Variants in SLC5A5 observed in about 807,000 individuals in gnomAD.
SLC5A5 encodes the protein solute carrier family 5 member 5, also known as sodium/iodide cotransporter.
A neutral mutation model predicts 68.6 loss-of-function variants in SLC5A5; 56 were observed. The ratio of observed to expected loss-of-function variants is 0.82; its 90% CI spans 0.66 to 1.02. The LOEUF is 1.02. Among genes scored for constraint, SLC5A5 ranks in the 50% least tolerant of loss-of-function variants. The pLI, the probability that SLC5A5 is intolerant of heterozygous loss-of-function variation, is 0.00. For missense variants in SLC5A5, 807 were observed against 859.8 expected, an observed-to-expected ratio of 0.94 and a Z score of 0.77; for synonymous variants, 398 against 373.0, an observed-to-expected ratio of 1.07 and a Z score of -0.77.
chr19:17,879,411 C>G (rs2094315487), intron 7 of SLC5A5, among the ~76,000 whole-genome samples: 2 of 152,172 alleles, frequency 1.3e-5, no homozygotes, highest in Non-Finnish European at 2.9e-5. Context: ...TCCCATGTCC[C>G]AAGCGTCCAC....
Position 17,876,046 on chromosome 19 carries a change from T to G in SLC5A5, c.638T>G (p.Val213Gly), listed in dbSNP as rs573288906. 1 of 1,614,152 alleles carries G rather than the reference T, an allele frequency of 6.2e-7. No individual in the cohort carries two copies. Among genetic ancestry groups the G allele is most frequent in the Admixed American group, 1.7e-5 (1 of 60,012 alleles). The stretch of plus-strand genomic sequence containing the variant: ...GTCCTGGCACGCGGTGTCATGCTTG[T>G]GGGCGGGCCCCGCCAGGTGCTCACG... ...WVVLARGVML[V>G]GGPRQVLTLA... The change falls in exon 5 of 15, where the codon GTG becomes GGG. Residue 213 changes from valine (V) to glycine (G), a missense_variant. By Grantham distance (109) the Val-to-Gly change is moderately radical. Coordinates refer to ENST00000222248, the MANE Select transcript of SLC5A5 (RefSeq NM_000453.3).
At chr19:17,875,327 G>T (rs769959856) in intron 4 of SLC5A5, among the ~76,000 whole-genome samples, 19 of 151,288 alleles carry the variant, frequency 1.3e-4, no homozygotes, top group Non-Finnish European at 2.7e-4. Context: ...TGGAGATTGC[G>T]CCATTGCACT....
chr19:17,882,256 G>A, intron 10 of SLC5A5, 37 bp downstream of exon 10: 2 of 1,539,684 alleles, frequency 1.3e-6, no homozygotes, highest in Non-Finnish European at 1.8e-6. Flanking sequence ...GGTCTCCTGA[G>A]AGGTGGGGGC....
rs2094319326 is a variant in SLC5A5 at position 17,880,905 on chromosome 19, C to T, written c.1010C>T (p.Pro337Leu). Reference protein sequence around the residue: ...LLVLDIFEDLPGVPGLFLACA... With the variant: ...LLVLDIFEDLLGVPGLFLACA... ...GTGCTGGACATCTTCGAAGATCTGC[C>T]TGGAGTCCCCGGGCTTTTCCTGGCC... The change falls in exon 8 of 15, where the codon CCT (proline) becomes CTT (leucine). Residue 337 changes from proline (P) to leucine (L), a missense_variant. Physicochemically the swap from Pro to Leu is moderately conservative, Grantham distance 98. Transcript: ENST00000222248. 1.9e-6 allele frequency: 3 copies of T among 1,613,976 alleles called. No individual in the cohort carries two copies. Among genetic ancestry groups the T allele is most frequent in the Admixed American group, 1.7e-5 (1 of 59,988 alleles).
At position 17,874,167 on chromosome 19, in the gene SLC5A5, G is replaced by C. The variant is rs766171986; in HGVS notation, c.387G>C (p.Val129=). Reference sequence around the variant, plus strand: ...TGGAGATGCGCTTCAGCCGCGCAGTGCGGCTCTGCGGGACTTTGCAGTACA... The same window carrying C: ...TGGAGATGCGCTTCAGCCGCGCAGTCCGGCTCTGCGGGACTTTGCAGTACA... ...EYLEMRFSRA[V]RLCGTLQYIV... Residue 129 remains valine (V), a synonymous_variant, in exon 2 of 15, where the codon GTG becomes GTC. Transcript: ENST00000222248. The C allele has an allele frequency of 5.0e-6, 8 of 1,612,766 alleles. No individual in the cohort carries two copies. In the South Asian group the frequency reaches 8.8e-5, roughly 18 times the overall value.
intron 4 of SLC5A5, 111 bp from the exon 5 acceptor site, chr19:17,875,841 C>A: frequency 2.2e-6 from 2 of 901,166 alleles, no homozygotes; most frequent in Non-Finnish European, 3.7e-6. Flanking sequence ...TTATTAATCC[C>A]ACTTTAGAGA....
chr19:17,893,656 C>T lies in SLC5A5; in HGVS notation c.1768-57C>T, dbSNP rs534518303. Reference sequence around the variant, plus strand: ...AGCCCATCTGGGAGATGAGCTGACACGGAACAGGGTGGGGACAGGGTCTCT... The same window carrying T: ...AGCCCATCTGGGAGATGAGCTGACATGGAACAGGGTGGGGACAGGGTCTCT... On this transcript the variant is annotated intron_variant, in intron 14 of 14. Transcript: ENST00000222248. 1.4e-4 allele frequency: 214 copies of T among 1,564,920 alleles called. No homozygotes were observed. In the African/African-American group the frequency reaches 2.1e-3, roughly 15 times the overall value.
Position 17,893,730 on chromosome 19 carries a change from C to T in SLC5A5, c.1785C>T (p.Pro595=), listed in dbSNP as rs759260044. The change falls in exon 15 of 15, where the codon CCC becomes CCT. Residue 595 remains proline, a synonymous_variant. Coordinates refer to ENST00000222248, the MANE Select transcript of SLC5A5 (RefSeq NM_000453.3). ...DNLVKGPEEL[P]TGNKKPPGFL... is the part of the protein sequence containing the mutation. ...TTCCCCAGGGTCCTGAAGAACTCCC[C>T]ACTGGAAACAAGAAGCCCCCTGGCT... 6.2e-7 allele frequency: 1 copy of T among 1,613,950 alleles called. No individual in the cohort carries two copies. Among genetic ancestry groups the T allele is most frequent in the Admixed American group, 1.7e-5 (1 of 59,984 alleles).
chr19:17,875,954 C>A lies in SLC5A5; in HGVS notation c.546C>A (p.Gly182=), dbSNP rs8103545. Residue 182 remains glycine, a splice_region_variant and synonymous_variant, in exon 5 of 15, where the codon GGC becomes GGA. Coordinates refer to ENST00000222248, the MANE Select transcript of SLC5A5 (RefSeq NM_000453.3). ...CCTCTCTCTGTCCCATGCTGCAGGGCGGCATGAAGGCTGTGGTCTGGACTG... is the reference window on the plus strand; with the variant it reads ...CCTCTCTCTGTCCCATGCTGCAGGGAGGCATGAAGGCTGTGGTCTGGACTG... ...GIICTFYTAV[G]GMKAVVWTDV... is the part of the protein sequence containing the mutation. 1.2e-6 allele frequency: 2 copies of A among 1,614,030 alleles called. No individual in the cohort carries two copies. Among genetic ancestry groups the A allele is most frequent in the African/African-American group, 1.3e-5 (1 of 75,012 alleles).
intron 13 of SLC5A5, among the ~76,000 whole-genome samples, chr19:17,889,619 C>A (rs115928842): frequency 0.016 from 2,422 of 152,096 alleles, 59 homozygotes; most frequent in African/African-American, 0.054. Flanking sequence ...ACTACAGGTG[C>A]GCGCCAACGT....
chr19:17,874,237 C>G (rs773075706), intron 2 of SLC5A5, 34 bp downstream of exon 2: 1 of 1,484,564 alleles, frequency 6.7e-7, no homozygotes, highest in African/African-American at 1.4e-5. Context: ...CCGCTCAGGG[C>G]CCCGAGAGCG....
rs185091081 is a variant in SLC5A5, at chr19:17,875,573, G to A, written c.544-379G>A. ...AGGCCAGGGGTTCGAGACCAGCCTAGGCAACATAGTGAGACCCCCCCCCGC... is the reference window on the plus strand; with the variant it reads ...AGGCCAGGGGTTCGAGACCAGCCTAAGCAACATAGTGAGACCCCCCCCCGC... On this transcript the variant is annotated intron_variant, in intron 4 of 14. Coordinates refer to ENST00000222248, the MANE Select transcript of SLC5A5 (RefSeq NM_000453.3). 1.3e-3 allele frequency among the ~76,000 whole-genome samples: 185 copies of A among 143,188 alleles called. 4 individuals are homozygous for A. Among genetic ancestry groups the A allele is most frequent in the Admixed American group, 0.011 (148 of 13,606 alleles). 93.9% of individuals were successfully genotyped at this position (143,188 alleles called of 152,430 possible).
chr19:17,880,835 T>C (rs970901204), intron 7 of SLC5A5, 30 bp from the exon 8 acceptor site: 2 of 1,553,644 alleles, frequency 1.3e-6, no homozygotes, highest in Non-Finnish European at 8.9e-7. Context: ...GGTGCAGCTG[T>C]CTGGGAGGCT....
chr19:17,874,668 C>T lies in SLC5A5; in HGVS notation c.480C>T (p.Thr160=), dbSNP rs1275301854. The change falls in exon 4 of 15, where the codon ACC becomes ACT. Residue 160 remains threonine, a synonymous_variant. Coordinates refer to ENST00000222248, the MANE Select transcript of SLC5A5 (RefSeq NM_000453.3). The part of the protein sequence containing the change: ...YAPALILNQV[T]GLDIWASLLS... Reference sequence around the variant, plus strand: ...GGGGGACCTCTTTTTGCATAGTGACCGGGCTGGACATCTGGGCGTCGCTCC... The same window carrying T: ...GGGGGACCTCTTTTTGCATAGTGACTGGGCTGGACATCTGGGCGTCGCTCC... 1 of 1,614,128 alleles carries T rather than the reference C, an allele frequency of 6.2e-7. No homozygotes were observed.
At chr19:17,890,817 A>T in intron 13 of SLC5A5, 69 bp from the exon 14 acceptor site, 1 of 1,035,324 alleles carries the variant, frequency 9.7e-7, no homozygotes, top group Non-Finnish European at 1.5e-6. Context: ...CCTTCCCAGG[A>T]CCTGGTCTCC....
At chr19:17,874,262 C>T in intron 2 of SLC5A5, 59 bp downstream of exon 2, 1 of 1,267,160 alleles carries the variant, frequency 7.9e-7, no homozygotes, top group Non-Finnish European at 1.1e-6. Context: ...CCTTCACTAG[C>T]CCGGCCCCCA....
chr19:17,890,614 A>G (rs2030128512), intron 13 of SLC5A5, among the ~76,000 whole-genome samples: 2 of 152,100 alleles, frequency 1.3e-5, no homozygotes, highest in Non-Finnish European at 1.5e-5. Context: ...CTGGTCTCCA[A>G]CTACTGGGCA....
chr19:17,884,314 C>G (rs1253375168), intron 12 of SLC5A5, among the ~76,000 whole-genome samples: 1 of 151,990 alleles, frequency 6.6e-6, no homozygotes, highest in African/African-American at 2.4e-5. Context: ...TTTTGTTTTT[C>G]TGAGACAGAG....
At position 17,872,223 on chromosome 19, in the gene SLC5A5, C is replaced by G. The variant is rs2094295776; in HGVS notation, c.-97C>G. ...GGACAGGCTGCCGAGCATCCTCCCA[C>G]CCGCCCTCCCCGTCCTGCCTCCTCG... On this transcript the variant is annotated 5_prime_UTR_variant, in exon 1 of 15. Transcript: ENST00000222248. The G allele has an allele frequency of 2.3e-6, 1 of 430,720 alleles. No homozygotes were observed. Among genetic ancestry groups the G allele is most frequent in the Non-Finnish European group, 4.5e-6 (1 of 222,756 alleles). 26.7% of individuals were successfully genotyped at this position (430,720 alleles called of 1,614,324 possible).
Sources: allele counts gnomAD v4.1 joint callset (sites outside exome capture counted in the v4.1 genomes callset), GRCh38; gene constraint gnomAD v4.1.1; transcripts MANE v1.5; gene names NCBI Gene and HGNC (gene_info 2026-07-23, HGNC 2026-07-21).